ADAM20: variants seen among roughly 807,000 people sequenced by gnomAD.
The protein encoded by ADAM20 is disintegrin and metalloproteinase domain-containing protein 20.
For synonymous variants in ADAM20, 305 were observed against 310.2 expected, an observed-to-expected ratio of 0.98 and a Z score of 0.18; for missense variants, 871 against 883.2, an observed-to-expected ratio of 0.99 and a Z score of 0.18.
At chr14:70,555,960 C>A in the ADAM20 span, among the ~76,000 whole-genome samples, 1 of 152,220 alleles carries the variant, frequency 6.6e-6, no homozygotes, top group Non-Finnish European at 1.5e-5. Flanking sequence ...AGAAACCACT[C>A]CCCGGATGCG....
the ADAM20 span, among the ~76,000 whole-genome samples, chr14:70,569,250 A>T: frequency 3.9e-5 from 6 of 152,212 alleles, no homozygotes; most frequent in African/African-American, 1.4e-4. Context: ...CCACCAGATA[A>T]GCCCTACAAG....
At chr14:70,572,082 T>C in the ADAM20 span, among the ~76,000 whole-genome samples, 1 of 152,038 alleles carries the variant, frequency 6.6e-6, no homozygotes, top group Non-Finnish European at 1.5e-5. Flanking sequence ...TCAACACAAT[T>C]CCTATGAAAT....
chr14:70,557,802 T>C, the ADAM20 span, among the ~76,000 whole-genome samples: 1 of 152,292 alleles, frequency 6.6e-6, no homozygotes, highest in East Asian at 1.9e-4. Flanking sequence ...TTAGTGTATT[T>C]TATGTGTGGC....
At chr14:70,524,974 A>G in intron 1 of ADAM20, 41 bp from the exon 2 acceptor site, 2 of 1,495,168 alleles carry the variant, frequency 1.3e-6, no homozygotes, top group Non-Finnish European at 1.8e-6. Flanking sequence ...AGAAAGGGAG[A>G]AAGAGAGAGA....
chr14:70,563,220 C>T, the ADAM20 span, among the ~76,000 whole-genome samples: 9 of 151,990 alleles, frequency 5.9e-5, no homozygotes, highest in Non-Finnish European at 1.2e-4. Flanking sequence ...AGGAGAGTGA[C>T]AGGTAATTAG....
chr14:70,536,465 CAAAAAAAAAAAAAAAAAAA>C (rs56738784), upstream of ADAM20, among the ~76,000 whole-genome samples: 1 of 43,148 alleles, frequency 2.3e-5, no homozygotes, highest in African/African-American at 8.5e-5. Context: ...AACTCTGTCT[CAAAAAAAAAAAAAAAAAAA>C]AAAAAAAAAA....
the ADAM20 span, among the ~76,000 whole-genome samples, chr14:70,550,856 AAG>A: frequency 1.0e-5 from 1 of 95,246 alleles, no homozygotes; most frequent in Admixed American, 1.2e-4. Context: ...ACAACCAAAA[AAG>A]AGAATTTTAG....
At chr14:70,576,000 C>T in the ADAM20 span, among the ~76,000 whole-genome samples, 2 of 152,048 alleles carry the variant, frequency 1.3e-5, no homozygotes, top group Non-Finnish European at 2.9e-5. Context: ...CTAAAGCTTA[C>T]GGAATGCAGT....
chr14:70,560,834 CTG>C, the ADAM20 span, among the ~76,000 whole-genome samples: 2 of 152,178 alleles, frequency 1.3e-5, no homozygotes, highest in African/African-American at 4.8e-5. Context: ...GCCTTCAGAA[CTG>C]TGAGTCAATT....
intron 1 of ADAM20, among the ~76,000 whole-genome samples, chr14:70,533,393 A>G (rs1401899171): frequency 1.3e-5 from 2 of 152,244 alleles, no homozygotes; most frequent in Non-Finnish European, 2.9e-5. Context: ...AATGTGGCAC[A>G]TACATACCAT....
chr14:70,527,636 T>C (rs974412665), intron 1 of ADAM20, among the ~76,000 whole-genome samples: 1 of 152,142 alleles, frequency 6.6e-6, no homozygotes, highest in Non-Finnish European at 1.5e-5. Context: ...ACATCTCACA[T>C]GTCAAAAGTA....
chr14:70,553,499 G>A, the ADAM20 span, among the ~76,000 whole-genome samples: 5 of 119,790 alleles, frequency 4.2e-5, no homozygotes, highest in Non-Finnish European at 6.8e-5. Flanking sequence ...GGCCAATAAC[G>A]CTAATCAATA....
chr14:70,531,734 A>G (rs1883715045), intron 1 of ADAM20, among the ~76,000 whole-genome samples: 1 of 152,130 alleles, frequency 6.6e-6, no homozygotes, highest in Non-Finnish European at 1.5e-5. Flanking sequence ...AAAATAAGAA[A>G]ACAATTCTAT....
In ADAM20 at chr14:70,523,437, G is replaced by A. The variant is rs1595014588; in HGVS notation, c.1321C>T (p.Leu441=). 6.2e-7 allele frequency: 1 copy of A among 1,613,932 alleles called. No homozygotes were observed. Among genetic ancestry groups the A allele is most frequent in the African/African-American group, 1.3e-5 (1 of 74,920 alleles). The change falls in exon 2 of 2, where the codon CTA becomes TTA. Residue 441 remains leucine (L), a synonymous_variant. Transcript: ENST00000256389. ...AAAGCACAAGCAGCCCCAGGATGTA[G>A]AGTACAGTTTAACAGACAACAGGGA... The part of the protein sequence containing the change: ...KDPCCLLNCT[L]HPGAACAFGI...
At chr14:70,570,792 T>A in the ADAM20 span, among the ~76,000 whole-genome samples, 1 of 151,642 alleles carries the variant, frequency 6.6e-6, no homozygotes, top group African/African-American at 2.4e-5. Flanking sequence ...TATCAAAATC[T>A]AGCAAGGACA....
At chr14:70,527,413 C>T (rs945636736) in intron 1 of ADAM20, among the ~76,000 whole-genome samples, 37 of 152,206 alleles carry the variant, frequency 2.4e-4, no homozygotes, top group African/African-American at 3.6e-4. Context: ...ATTTCCAGTA[C>T]ATGAACATAC....
At chr14:70,538,842 G>A (rs1477546382), upstream of ADAM20, among the ~76,000 whole-genome samples, 1 of 152,152 alleles carries the variant, frequency 6.6e-6, no homozygotes, top group Non-Finnish European at 1.5e-5. Context: ...TCTGTCACCA[G>A]GTTGGAGTGC....
At chr14:70,537,701 A>G (rs1841488764), upstream of ADAM20, among the ~76,000 whole-genome samples, 1 of 152,082 alleles carries the variant, frequency 6.6e-6, no homozygotes, top group African/African-American at 2.4e-5. Context: ...ACAATCCCAC[A>G]TTCCTCATCC....
At chr14:70,571,214 T>G in the ADAM20 span, among the ~76,000 whole-genome samples, 2 of 152,188 alleles carry the variant, frequency 1.3e-5, no homozygotes, top group African/African-American at 4.8e-5. Context: ...TCCACTGATA[T>G]GCTTTGGCTG....
Sources: allele counts gnomAD v4.1 joint callset (sites outside exome capture counted in the v4.1 genomes callset), GRCh38; gene constraint gnomAD v4.1.1; transcripts MANE v1.5; gene names NCBI Gene and HGNC (gene_info 2026-07-23, HGNC 2026-07-21).